The following SORCS2 variants were observed in gnomAD, a reference collection of about 807,000 sequenced individuals.
The protein encoded by SORCS2 is sortilin related VPS10 domain containing receptor 2.
In SORCS2, 100 loss-of-function variants were observed where a neutral mutation model predicts 141.6. The observed-to-expected ratio is 0.71, with a 90% CI of 0.60 to 0.83. The LOEUF is 0.83. Ranked by LOEUF, SORCS2 falls within the 40% of genes least tolerant of loss-of-function variation. The pLI is 0.00. For synonymous variants in SORCS2, 789 were observed against 676.9 expected, an observed-to-expected ratio of 1.17 and a Z score of -2.57; for missense variants, 1,646 against 1,560.2, an observed-to-expected ratio of 1.05 and a Z score of -0.93.
At chr4:7,380,789 T>G (rs187217588) in intron 1 of SORCS2, among the ~76,000 whole-genome samples, 139 of 152,362 alleles carry the variant, frequency 9.1e-4, no homozygotes, top group Non-Finnish European at 1.4e-3. Flanking sequence ...CTTACTTGTG[T>G]TAAAGAAGTG....
In SORCS2 at chr4:7,617,648, G is replaced by A. The variant is rs112717970; in HGVS notation, c.649-20680G>A. ...GTGCTTCATAGAGGAGGAGACATTT[G>A]AGTTGGCCTTTGGAGGGTGTATAGG... On this transcript the variant is annotated intron_variant, in intron 3 of 26. Coordinates refer to ENST00000507866, the MANE Select transcript of SORCS2 (RefSeq NM_020777.3). Among the ~76,000 whole-genome samples the A allele has an allele frequency of 6.0e-3, 921 of 152,340 alleles. 12 individuals carry two copies. The highest frequency in any genetic ancestry group is 0.021 in the African/African-American group (887 of 41,564).
At chr4:7,654,308 C>T in intron 5 of SORCS2, 101 bp downstream of exon 5, 1 of 1,213,982 alleles carries the variant, frequency 8.2e-7, no homozygotes, top group Non-Finnish European at 1.2e-6. Context: ...CCCTTTCCTC[C>T]TCTGGACCCT....
At chr4:7,288,434 A>G (rs780953288) in intron 1 of SORCS2, among the ~76,000 whole-genome samples, 9 of 151,756 alleles carry the variant, frequency 5.9e-5, no homozygotes, top group Non-Finnish European at 1.0e-4. Flanking sequence ...CTTCAATAAC[A>G]GTATTTCTCA....
At chr4:7,490,794 A>C (rs1235413985) in intron 2 of SORCS2, among the ~76,000 whole-genome samples, 1 of 152,056 alleles carries the variant, frequency 6.6e-6, no homozygotes, top group East Asian at 1.9e-4. Flanking sequence ...TCCGTGCCCC[A>C]GGTCATCTCC....
At chr4:7,288,461 A>G (rs1229788330) in intron 1 of SORCS2, among the ~76,000 whole-genome samples, 2 of 149,744 alleles carry the variant, frequency 1.3e-5, no homozygotes, top group African/African-American at 2.5e-5. Context: ...TGGAGGCTGG[A>G]TGTCCAAGAT....
In SORCS2 at chr4:7,569,342, C is replaced by G. The variant is rs545553570; in HGVS notation, c.648+37713C>G. 1.2e-3 allele frequency among the ~76,000 whole-genome samples: 177 copies of G among 152,302 alleles called. No homozygotes were observed. The Middle Eastern group carries it at 0.014, about 12-fold the overall frequency. On this transcript the variant is annotated intron_variant, in intron 3 of 26. Coordinates refer to ENST00000507866, the MANE Select transcript of SORCS2 (RefSeq NM_020777.3). ...CCTGGCCAACATGGTGAAACCCCGT[C>G]TCTACTAAAGATACAAAAAATTAGC...
chr4:7,286,776 T>C lies in SORCS2; in HGVS notation c.480+93650T>C, dbSNP rs1214931346. 3.9e-5 allele frequency among the ~76,000 whole-genome samples: 6 copies of C among 152,186 alleles called. No individual in the cohort carries two copies. Among genetic ancestry groups the C allele is most frequent in the Admixed American group, 6.5e-5 (1 of 15,286 alleles). ...TCGGTTAACCAGAGCAGATGATAAC[T>C]GAGGCAGACTGGGAGGCGTCTTGGG... On this transcript the variant is annotated intron_variant, in intron 1 of 26. Coordinates refer to ENST00000507866, the MANE Select transcript of SORCS2 (RefSeq NM_020777.3). This position sits in a 1 kb window ranked among gnomAD's most constrained non-coding sequence, Gnocchi z 4.1.
At chr4:7,718,417 G>C (rs28678010) in intron 18 of SORCS2, among the ~76,000 whole-genome samples, 3 of 152,230 alleles carry the variant, frequency 2.0e-5, no homozygotes, top group Non-Finnish European at 4.4e-5. Context: ...TAGGACGTAG[G>C]GGGTATTAGG....
chr4:7,269,302 G>A (rs1245801335), intron 1 of SORCS2, among the ~76,000 whole-genome samples: 1 of 152,202 alleles, frequency 6.6e-6, no homozygotes, highest in East Asian at 1.9e-4. Context: ...CAGGAAGGGA[G>A]CTGCCGTTGT....
intron 3 of SORCS2, among the ~76,000 whole-genome samples, chr4:7,597,451 A>G (rs1182486087): frequency 7.1e-6 from 1 of 140,350 alleles, no homozygotes; most frequent in Non-Finnish European, 1.5e-5. Context: ...GGTTACTGCA[A>G]TAGGGAAGAG....
At chr4:7,550,822 A>G (rs958281006) in intron 3 of SORCS2, among the ~76,000 whole-genome samples, 32 of 152,164 alleles carry the variant, frequency 2.1e-4, no homozygotes, top group African/African-American at 7.7e-4. Flanking sequence ...GTTCATTACC[A>G]CTTGAGGTAA....
rs182578103 is a variant in SORCS2, at chr4:7,634,169, T to C, written c.649-4159T>C. 2.0e-5 allele frequency among the ~76,000 whole-genome samples: 3 copies of C among 150,422 alleles called. No individual in the cohort carries two copies. The Admixed American group carries it at 2.0e-4, about 10-fold the overall frequency. ...CGGTTGGATCACCTGAGGTCAGGAGTTTGAGACCAGTCTGGCCAACATGGT... is the reference window on the plus strand; with the variant it reads ...CGGTTGGATCACCTGAGGTCAGGAGCTTGAGACCAGTCTGGCCAACATGGT... On this transcript the variant is annotated intron_variant, in intron 3 of 26. Transcript: ENST00000507866.
chr4:7,263,745 C>T (rs1159283515), intron 1 of SORCS2, among the ~76,000 whole-genome samples: 1 of 152,190 alleles, frequency 6.6e-6, no homozygotes, highest in Non-Finnish European at 1.5e-5. Context: ...TGGTGTGGGG[C>T]TGGCAAGACT....
At chr4:7,657,408 TTGAG>T (rs1178128713) in intron 5 of SORCS2, among the ~76,000 whole-genome samples, 16 of 150,394 alleles carry the variant, frequency 1.1e-4, no homozygotes, top group African/African-American at 2.9e-4. Flanking sequence ...GAGTGTGTGA[TTGAG>T]TGAGGGAATG....
chr4:7,326,380 C>T (rs576183197), intron 1 of SORCS2, among the ~76,000 whole-genome samples: 3 of 152,088 alleles, frequency 2.0e-5, no homozygotes, highest in Non-Finnish European at 4.4e-5. Context: ...CAGCAGTGCC[C>T]CCCTCTTGGT....
At chr4:7,651,351 G>T (rs1187267966) in intron 4 of SORCS2, among the ~76,000 whole-genome samples, 1 of 152,208 alleles carries the variant, frequency 6.6e-6, no homozygotes, top group Non-Finnish European at 1.5e-5. Context: ...ACTGAGGCCT[G>T]CCCCGGTAGC....
At chr4:7,410,152 C>T (rs537742403) in intron 2 of SORCS2, among the ~76,000 whole-genome samples, 183 of 152,234 alleles carry the variant, frequency 1.2e-3, no homozygotes, top group Non-Finnish European at 2.1e-3. Flanking sequence ...ATGGGCTGTC[C>T]TGGGTATCAC....
intron 3 of SORCS2, among the ~76,000 whole-genome samples, chr4:7,601,492 G>A (rs1487322550): frequency 6.6e-6 from 1 of 151,788 alleles, no homozygotes; most frequent in East Asian, 1.9e-4. Context: ...GGTGCTGCAT[G>A]CCCGTAGTCC....
At chr4:7,697,876 G>A (rs560008912) in intron 12 of SORCS2, among the ~76,000 whole-genome samples, 12 of 151,776 alleles carry the variant, frequency 7.9e-5, no homozygotes, top group African/African-American at 2.9e-4. Context: ...GCACACTTAC[G>A]CAGGATGCGG....
Sources: gnomAD v4.1 joint callset for allele counts (sites outside exome capture counted in the v4.1 genomes callset) on GRCh38, gnomAD v4.1.1 for gene constraint, Gnocchi (gnomAD v3.1) non-coding constraint, MANE v1.5 for transcripts, NCBI Gene and HGNC (gene_info 2026-07-23, HGNC 2026-07-21) for gene names.